CREB5: variants seen among roughly 807,000 people sequenced by gnomAD.
CREB5 encodes the protein cAMP responsive element binding protein 5, also known as cyclic AMP-responsive element-binding protein 5.
A neutral mutation model predicts 57.1 loss-of-function variants in CREB5; 19 were observed. That is an observed-to-expected ratio of 0.33 (90% CI 0.23 to 0.49). The LOEUF is 0.49. CREB5 is among the 20% of genes least tolerant of loss of function. The pLI is 0.99. For missense variants in CREB5, 579 were observed against 671.6 expected (o/e 0.86, Z 1.52); for synonymous variants, 238 against 238.3 (o/e 1.00, Z 0.01).
In CREB5 at chr7:28,536,016, CAG is replaced by C. The variant is rs60159942; in HGVS notation, c.291+28283_291+28284del. Among the ~76,000 whole-genome samples the C allele has an allele frequency of 1.2e-3, 182 of 152,304 alleles. 1 individual carries two copies. Among genetic ancestry groups the C allele is most frequent in the African/African-American group, 3.9e-3 (161 of 41,560 alleles). On this transcript the variant is annotated intron_variant, in intron 4 of 10. Coordinates refer to ENST00000357727, the MANE Select transcript of CREB5 (RefSeq NM_182898.4). ...AGCCCAGAGCTGTAAATGGGTCCCT[CAG>C]AGACCCTGGGTCTTTCTTGTGCCTG... is the stretch of plus-strand genomic sequence containing the variant.
chr7:28,362,770 C>T (rs10242966), intron 1 of CREB5, among the ~76,000 whole-genome samples: 81,108 of 151,466 alleles, frequency 0.54, 21,712 homozygotes, highest in African/African-American at 0.56. Context: ...ACATGAAAAT[C>T]GGAAAAACAA....
At chr7:28,402,697 G>A (rs572228883) in intron 1 of CREB5, among the ~76,000 whole-genome samples, 26 of 152,292 alleles carry the variant, frequency 1.7e-4, no homozygotes, top group African/African-American at 6.3e-4. Flanking sequence ...AGACTTAAAT[G>A]TTAGGCCTAA....
At chr7:28,646,175 T>C (rs968674208) in intron 5 of CREB5, among the ~76,000 whole-genome samples, 4 of 152,210 alleles carry the variant, frequency 2.6e-5, no homozygotes, top group Admixed American at 2.0e-4. Flanking sequence ...CACTTTATTT[T>C]CTATCGGTTC....
At chr7:28,591,595 G>A (rs1305650828) in intron 5 of CREB5, among the ~76,000 whole-genome samples, 2 of 152,162 alleles carry the variant, frequency 1.3e-5, no homozygotes, top group Non-Finnish European at 1.5e-5. Flanking sequence ...TTTAGGACTG[G>A]ATGTTAGAAG....
At chr7:28,360,103 C>G (rs540064200) in intron 1 of CREB5, among the ~76,000 whole-genome samples, 21 of 152,260 alleles carry the variant, frequency 1.4e-4, no homozygotes, top group African/African-American at 4.6e-4. Flanking sequence ...GGAGAGGGAA[C>G]AGTTGTGCAC....
intron 5 of CREB5, among the ~76,000 whole-genome samples, chr7:28,575,468 ATC>A (rs1486908557): frequency 6.6e-6 from 1 of 152,206 alleles, no homozygotes; most frequent in Non-Finnish European, 1.5e-5. Context: ...ATGCGTATGA[ATC>A]TATTTTTAAG....
chr7:28,442,903 T>A (rs1050815210), intron 1 of CREB5, among the ~76,000 whole-genome samples: 2 of 152,236 alleles, frequency 1.3e-5, no homozygotes, highest in African/African-American at 2.4e-5. Flanking sequence ...AAATATGTCA[T>A]TCAAATATAC....
intron 1 of CREB5, among the ~76,000 whole-genome samples, chr7:28,424,079 G>T (rs1015837695): frequency 6.6e-6 from 1 of 152,152 alleles, no homozygotes; most frequent in Admixed American, 6.5e-5. Context: ...TCCTTCTTCT[G>T]TCTTCTCTGT....
intron 1 of CREB5, among the ~76,000 whole-genome samples, chr7:28,481,058 T>C (rs1562746656): frequency 6.6e-6 from 1 of 152,162 alleles, no homozygotes; most frequent in Non-Finnish European, 1.5e-5. Flanking sequence ...AAACGCCACA[T>C]AAATAAAACC....
chr7:28,656,868 T>C (rs1799352740), intron 5 of CREB5, among the ~76,000 whole-genome samples: 3 of 152,204 alleles, frequency 2.0e-5, no homozygotes, highest in African/African-American at 7.2e-5. Context: ...TTTTTCTCTT[T>C]TGAGGATCAG....
chr7:28,758,447 C>G (rs921044465), intron 7 of CREB5, among the ~76,000 whole-genome samples: 2 of 152,108 alleles, frequency 1.3e-5, no homozygotes, highest in Admixed American at 1.3e-4. Context: ...AGTGTGAGGG[C>G]TGGTATGTGA....
intron 8 of CREB5, among the ~76,000 whole-genome samples, chr7:28,804,913 A>C: frequency 6.6e-6 from 1 of 152,204 alleles, no homozygotes. Context: ...CCCTGGTTCT[A>C]GCTGCTATGT....
Position 28,560,849 on chromosome 7 carries a change from T to TGC in CREB5, c.292-9515_292-9514insCG, listed in dbSNP as rs1342485250. Among the ~76,000 whole-genome samples the TGC allele has an allele frequency of 1.0e-3, 88 of 87,092 alleles. 3 individuals are homozygous for TGC. The highest frequency in any genetic ancestry group is 5.4e-3 in the Middle Eastern group (1 of 186). The allele number at this position is 87,092 out of a possible 152,430, so 57.1% of individuals were successfully genotyped here. A position where few individuals can be genotyped will look rare whatever the true frequency, so the allele number is the denominator to read the frequency against. Reference sequence around the variant, plus strand: ...GCGCGCGCGCGTGTGTGTGTGCGCGTGTGTGTGTGCGTGTGCCTGCGTGCG... The same window carrying TGC: ...GCGCGCGCGCGTGTGTGTGTGCGCGTGCGTGTGTGTGCGTGTGCCTGCGTGCG... On this transcript the variant is annotated intron_variant, in intron 4 of 10. Coordinates refer to ENST00000357727, the MANE Select transcript of CREB5 (RefSeq NM_182898.4).
At chr7:28,527,620 C>A (rs1793502570) in intron 4 of CREB5, among the ~76,000 whole-genome samples, 1 of 152,090 alleles carries the variant, frequency 6.6e-6, no homozygotes, top group African/African-American at 2.4e-5. Flanking sequence ...TGTTCAAGAC[C>A]AACCTGGGCA....
At chr7:28,313,252 T>C (rs1452751389) in intron 1 of CREB5, among the ~76,000 whole-genome samples, 3 of 152,228 alleles carry the variant, frequency 2.0e-5, no homozygotes, top group Non-Finnish European at 4.4e-5. Flanking sequence ...TCCTGCTTCA[T>C]GAGCCTGCTC....
At chr7:28,566,845 T>C (rs1795503026) in intron 4 of CREB5, among the ~76,000 whole-genome samples, 1 of 152,198 alleles carries the variant, frequency 6.6e-6, no homozygotes. Context: ...CAGGAGCTTT[T>C]TCCATTTCTG....
chr7:28,506,125 TG>T (rs1257985199), intron 3 of CREB5, among the ~76,000 whole-genome samples: 8 of 152,176 alleles, frequency 5.3e-5, no homozygotes, highest in African/African-American at 1.7e-4. Context: ...TGCTGAAAGT[TG>T]CTTGCCCAGA....
chr7:28,460,247 T>C lies in CREB5; in HGVS notation c.4-27928T>C, dbSNP rs148109277. Among the ~76,000 whole-genome samples, 80 of 152,168 alleles carry C rather than the reference T, an allele frequency of 5.3e-4. 1 individual carries two copies. Among genetic ancestry groups the C allele is most frequent in the African/African-American group, 1.8e-3 (76 of 41,520 alleles). The stretch of plus-strand genomic sequence containing the variant: ...TAAAAGGTTGCAGGGGGAGCAGAGA[T>C]AGAAATGAAAAAAGGCAAAAGGGAG... On this transcript the variant is annotated intron_variant, in intron 1 of 10. Coordinates refer to ENST00000357727, the MANE Select transcript of CREB5 (RefSeq NM_182898.4).
chr7:28,534,033 T>C (rs1793852282), intron 4 of CREB5, among the ~76,000 whole-genome samples: 3 of 152,182 alleles, frequency 2.0e-5, no homozygotes, highest in African/African-American at 7.2e-5. Flanking sequence ...CAAATCTGTA[T>C]CTATTTTGTG....
Sources: allele counts gnomAD v4.1 joint callset (sites outside exome capture counted in the v4.1 genomes callset), GRCh38; gene constraint gnomAD v4.1.1; transcripts MANE v1.5; gene names NCBI Gene and HGNC (gene_info 2026-07-23, HGNC 2026-07-21).